The following MKS1 variants were observed in gnomAD, a reference collection of about 807,000 sequenced individuals.
MKS1 encodes tectonic-like complex member MKS1.
In MKS1, 70 loss-of-function variants were observed where a neutral mutation model predicts 83.7. That is an observed-to-expected ratio of 0.84 (90% CI 0.69 to 1.02). The LOEUF (loss-of-function observed/expected upper bound fraction) is 1.02, where lower values mean the gene tolerates loss of function less well. Among genes scored for constraint, MKS1 ranks in the 50% least tolerant of loss-of-function variants. The probability of loss-of-function intolerance (pLI) is 0.00; values close to 1 mark genes in which losing one functional copy is unlikely to be tolerated. For synonymous variants in MKS1, 251 were observed against 273.4 expected (o/e 0.92, Z 0.81); for missense variants, 681 against 726.9 (o/e 0.94, Z 0.73).
In MKS1 at chr17:58,207,223, G is replaced by A. The variant is rs762686385; in HGVS notation, c.1274-5C>T. 23 of 1,613,816 alleles carry A rather than the reference G, an allele frequency of 1.4e-5. No homozygotes were observed. The highest frequency in any genetic ancestry group is 2.7e-5 in the African/African-American group (2 of 74,892). Reference sequence around the variant, plus strand: ...AGACTGTCAGGGTGTGTGAGCCTGCGCAAGGGAAGAGAAGACTGGGGCCAG... The same window carrying A: ...AGACTGTCAGGGTGTGTGAGCCTGCACAAGGGAAGAGAAGACTGGGGCCAG... On this transcript the variant is annotated splice_region_variant and splice_polypyrimidine_tract_variant and intron_variant, in intron 14 of 17. Transcript: ENST00000393119.
At chr17:58,212,251 C>A in intron 9 of MKS1, 127 bp downstream of exon 9, 17 of 1,127,710 alleles carry the variant, frequency 1.5e-5, no homozygotes, top group Non-Finnish European at 2.3e-5. Flanking sequence ...ATGTGCTATT[C>A]TTTGACTTCC....
intron 2 of MKS1, among the ~76,000 whole-genome samples, chr17:58,217,252 G>A (rs936023050): frequency 1.3e-5 from 2 of 152,200 alleles, no homozygotes; most frequent in Admixed American, 6.5e-5. Flanking sequence ...GTCTCCCAAA[G>A]TGCTGGGATT....
intron 4 of MKS1, 115 bp from the exon 5 acceptor site, chr17:58,214,953 C>G: frequency 6.7e-7 from 1 of 1,492,350 alleles, no homozygotes; most frequent in Admixed American, 2.0e-5. Flanking sequence ...CCCACAGGTT[C>G]CGCCACCTCA....
At position 58,206,020 on chromosome 17, in the gene MKS1, A is replaced by G; in HGVS notation, c.*59T>C. On this transcript the variant is annotated 3_prime_UTR_variant, in exon 18 of 18. Transcript: ENST00000393119. The stretch of plus-strand genomic sequence containing the variant: ...CAGAAAGACGAAGAGGCAGGAGAGC[A>G]CTGGCCTCAGATATCCCCCATCTTG... 1 of 1,561,240 alleles carries G rather than the reference A, an allele frequency of 6.4e-7. No individual in the cohort carries two copies. Among genetic ancestry groups the G allele is most frequent in the Non-Finnish European group, 8.7e-7 (1 of 1,154,714 alleles).
intron 14 of MKS1, chr17:58,207,605 C>T (rs755454547): frequency 4.7e-5 from 26 of 553,744 alleles, no homozygotes; most frequent in Non-Finnish European, 7.1e-5. Context: ...AATGCTGATT[C>T]ATTCAATACA....
intron 9 of MKS1, 117 bp from the exon 10 acceptor site, chr17:58,211,139 C>A: frequency 1.1e-6 from 1 of 922,196 alleles, no homozygotes; most frequent in Non-Finnish European, 1.8e-6. Context: ...CCCTGGGTGT[C>A]ACTACTGCAC....
At position 58,208,178 on chromosome 17, in the gene MKS1, T is replaced by G; in HGVS notation, c.1096-4A>C. ...AGGAGAAGTGAGCCACCTTGTCCTA[T>G]AAAAAGGAGTGTCATAGGGTGGGCA... On this transcript the variant is annotated splice_polypyrimidine_tract_variant and splice_region_variant and intron_variant, in intron 12 of 17. Transcript: ENST00000393119. 1 of 1,609,638 alleles carries G rather than the reference T, an allele frequency of 6.2e-7. No individual in the cohort carries two copies. The highest frequency in any genetic ancestry group is 8.5e-7 in the Non-Finnish European group (1 of 1,175,960).
rs549230136 is a variant in MKS1 at position 58,211,314 on chromosome 17, G to A, written c.916-292C>T. Among the ~76,000 whole-genome samples, 57 of 152,300 alleles carry A rather than the reference G, an allele frequency of 3.7e-4. 1 individual carries two copies. The highest frequency in any genetic ancestry group is 1.3e-3 in the African/African-American group (54 of 41,574). On this transcript the variant is annotated intron_variant, in intron 9 of 17. Transcript: ENST00000393119. ...GTGGTGTGCAATGGGAAGCCAGAAC[G>A]CCCTCTTCCCTTTAGATGGCTGAGG...
At position 58,213,075 on chromosome 17, in the gene MKS1, C is replaced by T. The variant is rs1196269516; in HGVS notation, c.765G>A (p.Gly255=). The part of the protein sequence containing the change: ...LKGPYRIETE[G]EKQELWKYTI... The stretch of plus-strand genomic sequence containing the variant: ...TATATTTCCACAGCTCCTGCTTCTC[C>T]CCCTCCGTCTCAATCCTGTAAGGTC... The change falls in exon 8 of 18, where the codon GGG becomes GGA. Residue 255 remains glycine (G), a synonymous_variant. Transcript: ENST00000393119. The T allele has an allele frequency of 6.2e-7, 1 of 1,614,152 alleles. No individual in the cohort carries two copies.
chr17:58,214,676 C>G, intron 5 of MKS1, 65 bp downstream of exon 5: 2 of 1,534,642 alleles, frequency 1.3e-6, no homozygotes, highest in Non-Finnish European at 8.8e-7. Flanking sequence ...GATAAAAATG[C>G]AAAACTACCC....
chr17:58,206,824 A>G, intron 15 of MKS1: 2 of 629,240 alleles, frequency 3.2e-6, no homozygotes, highest in Non-Finnish European at 5.5e-6. Flanking sequence ...GCCTTCAGTG[A>G]TGGGGGAAAG....
Position 58,205,510 on chromosome 17 carries a change from C to A in MKS1, c.*569G>T. 1.6e-6 allele frequency: 2 copies of A among 1,281,986 alleles called. No homozygotes were observed. The highest frequency in any genetic ancestry group is 2.0e-6 in the Non-Finnish European group (2 of 980,746). 79.4% of individuals were successfully genotyped at this position (1,281,986 alleles called of 1,614,324 possible). A position where few individuals can be genotyped will look rare whatever the true frequency, so the allele number is the denominator to read the frequency against. ...AAACAAAAAAACACAGTAAAAGATA[C>A]CACCCAGCTAGCAGAAAGGACTCAG... On this transcript the variant is annotated 3_prime_UTR_variant, in exon 18 of 18. Transcript: ENST00000393119.
At chr17:58,214,528 C>G in intron 5 of MKS1, 141 bp from the exon 6 acceptor site, 1 of 1,392,106 alleles carries the variant, frequency 7.2e-7, no homozygotes. Flanking sequence ...ATTTGACAAA[C>G]AGAAATGACA....
intron 17 of MKS1, 52 bp downstream of exon 17, chr17:58,206,231 G>A: frequency 1.2e-6 from 2 of 1,613,940 alleles, no homozygotes; most frequent in South Asian, 1.1e-5. Flanking sequence ...GCACTGCAGA[G>A]AGAAACAGGC....
chr17:58,216,657 C>CT lies in MKS1; in HGVS notation c.261+8dup. 1 of 1,613,994 alleles carries CT rather than the reference C, an allele frequency of 6.2e-7. No homozygotes were observed. The highest frequency in any genetic ancestry group is 8.5e-7 in the Non-Finnish European group (1 of 1,179,844). ...GAATAGACAGAGAAGACAAGAGACA[C>CT]TGGCTCACCTGGCTAAAGAGCTTCT... is the stretch of plus-strand genomic sequence containing the variant. On this transcript the variant is annotated intron_variant, in intron 3 of 17. Transcript: ENST00000393119.
In MKS1 at chr17:58,207,117, G is replaced by C. The variant is rs1217066269; in HGVS notation, c.1375C>G (p.Leu459Val). 6.2e-7 allele frequency: 1 copy of C among 1,614,208 alleles called. No individual in the cohort carries two copies. The highest frequency in any genetic ancestry group is 1.3e-5 in the African/African-American group (1 of 75,046). ...GATCCTGGTATCCGTACATAGGAGA[G>C]GTCCTCCAGTTCCAGAGAACCGCCA... Reference protein sequence around the residue: ...FIGGSLELEDLSYVRIPGSFK... With the variant: ...FIGGSLELEDVSYVRIPGSFK... Residue 459 changes from leucine (L) to valine (V), a missense_variant, in exon 15 of 18, where the codon CTC becomes GTC. Around this residue, in one of 3 missense-constraint regions of MKS1, gnomAD observed 310 missense variants for 321.7 expected, o/e 0.96. Transcript: ENST00000393119.
chr17:58,213,139 G>A, intron 7 of MKS1, 49 bp from the exon 8 acceptor site: 1 of 1,569,204 alleles, frequency 6.4e-7, no homozygotes, highest in Non-Finnish European at 8.8e-7. Context: ...ATGAGAGATG[G>A]GCCCTGGGAT....
In MKS1 at chr17:58,206,146, C is replaced by A. The variant is rs557678962; in HGVS notation, c.1613G>T (p.Arg538Leu). The change falls in exon 18 of 18, where the codon CGC becomes CTC. Residue 538 changes from arginine to leucine, a missense_variant. Transcript: ENST00000393119. ...GAGGCTTTCCCGGGCCTCCTGCATG[C>A]GGCGCCGGGCTCGACGGAAGGCCTC... Reference protein sequence around the residue: ...VLEAFRRARRRMQEARESLPQ... With the variant: ...VLEAFRRARRLMQEARESLPQ... 4 of 1,613,478 alleles carry A rather than the reference C, an allele frequency of 2.5e-6. No homozygotes were observed. The highest frequency in any genetic ancestry group is 1.3e-5 in the African/African-American group (1 of 74,994).
chr17:58,207,468 A>G (rs779575216), intron 14 of MKS1: 18 of 583,036 alleles, frequency 3.1e-5, no homozygotes, highest in Non-Finnish European at 5.2e-5. Context: ...TCTGAAGCTC[A>G]TTCTCCTCAT....
Sources: allele counts gnomAD v4.1 joint callset (sites outside exome capture counted in the v4.1 genomes callset), GRCh38; gene constraint gnomAD v4.1.1; regional missense constraint gnomAD v4.1.1; transcripts MANE v1.5; gene names NCBI Gene and HGNC (gene_info 2026-07-23, HGNC 2026-07-21).